The following NUDT21 variants were observed in gnomAD, a reference collection of about 807,000 sequenced individuals.
NUDT21 encodes cleavage and polyadenylation specificity factor subunit 5.
NUDT21 carries 5 observed loss-of-function variants against 29.8 expected under a neutral mutation model. The ratio of observed to expected loss-of-function variants is 0.17; its 90% CI spans 0.09 to 0.35. NUDT21 has a LOEUF of 0.35. NUDT21 is among the 10% of genes least tolerant of loss of function. The pLI, the probability that NUDT21 is intolerant of heterozygous loss-of-function variation, is 1.00. For synonymous variants in NUDT21, 113 were observed against 98.5 expected, an observed-to-expected ratio of 1.15 and a Z score of -0.87; for missense variants, 76 against 276.0, an observed-to-expected ratio of 0.28 and a Z score of 5.13.
At chr16:56,435,122 TTTTG>T (rs1227995572) in intron 4 of NUDT21, 8 of 200,564 alleles carry the variant, frequency 4.0e-5, no homozygotes, top group East Asian at 1.2e-4. Flanking sequence ...AAAAGCTTTT[TTTTG>T]TTTGTTTGTT....
Position 56,434,804 on chromosome 16 carries a change from G to A in NUDT21, c.497C>T (p.Thr166Ile), listed in dbSNP as rs1195594270. 5 of 1,595,422 alleles carry A rather than the reference G, an allele frequency of 3.1e-6. No homozygotes were observed. The highest frequency in any genetic ancestry group is 4.3e-6 in the Non-Finnish European group (5 of 1,164,490). ...CAACTTCTTATGTTCCTTAGGCTTT[G>A]TAATATGTGCAGGAATATATGGATA... ...PQYPYIPAHI[T>I]KPKEHKKLFL... The change falls in exon 5 of 7, where the codon ACA becomes ATA. Residue 166 changes from threonine (T) to isoleucine (I), a missense_variant. By Grantham distance (89) the Thr-to-Ile change is moderately conservative (BLOSUM62 -1). Transcript: ENST00000300291.
intron 4 of NUDT21, among the ~76,000 whole-genome samples, chr16:56,438,892 A>C (rs1163101279): frequency 6.6e-6 from 1 of 152,244 alleles, no homozygotes; most frequent in Non-Finnish European, 1.5e-5. Context: ...GGATACGCGA[A>C]CAGTGACTAT....
intron 3 of NUDT21, among the ~76,000 whole-genome samples, chr16:56,443,687 T>A (rs1962184710): frequency 6.6e-6 from 1 of 152,118 alleles, no homozygotes; most frequent in African/African-American, 2.4e-5. Flanking sequence ...GAGAGAGGGT[T>A]GTTAAAGAGT....
At chr16:56,447,742 C>G (rs753577294) in intron 2 of NUDT21, 47 bp downstream of exon 2, 1 of 1,551,018 alleles carries the variant, frequency 6.4e-7, no homozygotes, top group Non-Finnish European at 8.9e-7. Context: ...GCATAAACAG[C>G]AATCCTACTA....
In NUDT21 at chr16:56,434,758, T is replaced by C. The variant is rs1231764858; in HGVS notation, c.543A>G (p.Glu181=). Residue 181 remains glutamate (E), a synonymous_variant, in exon 5 of 7, where the codon GAA becomes GAG. Transcript: ENST00000300291. ...HKKLFLVQLQ[E]KALFAVPKNY... is the part of the protein sequence containing the mutation. ...TTTGAAAACAAAATAACTTACCTTT[T>C]TCTTGAAGCTGAACCAGAAACAACT... The C allele has an allele frequency of 6.3e-7, 1 of 1,589,186 alleles. No individual in the cohort carries two copies. Among genetic ancestry groups the C allele is most frequent in the East Asian group, 2.2e-5 (1 of 44,600 alleles).
intron 1 of NUDT21, 36 bp downstream of exon 1, chr16:56,451,051 C>G (rs1316733659): frequency 1.3e-6 from 2 of 1,577,184 alleles, no homozygotes; most frequent in Non-Finnish European, 1.7e-6. Flanking sequence ...GGAGCTTTCA[C>G]GAGAGAAATG....
chr16:56,446,188 A>G (rs1456112956), intron 3 of NUDT21, among the ~76,000 whole-genome samples: 2 of 152,208 alleles, frequency 1.3e-5, no homozygotes, highest in Non-Finnish European at 2.9e-5. Flanking sequence ...AAAAAGTGAA[A>G]ACACAGGCAT....
chr16:56,445,144 A>G (rs112528730), intron 3 of NUDT21, among the ~76,000 whole-genome samples: 6,305 of 152,166 alleles, frequency 0.041, 155 homozygotes, highest in East Asian at 0.13. Context: ...AGATTGCACC[A>G]TTGCACTCCA....
chr16:56,450,327 G>A (rs1318593355), intron 1 of NUDT21, among the ~76,000 whole-genome samples: 1 of 152,190 alleles, frequency 6.6e-6, no homozygotes, highest in Non-Finnish European at 1.5e-5. Flanking sequence ...GAATGACCTT[G>A]AAATGCAATG....
intron 3 of NUDT21, among the ~76,000 whole-genome samples, chr16:56,442,189 C>T (rs534781987): frequency 9.4e-4 from 143 of 152,330 alleles, no homozygotes; most frequent in Middle Eastern, 6.8e-3. Context: ...GCCTAAGACA[C>T]GTTTTTCTAT....
In NUDT21 at chr16:56,430,830, A is replaced by G. The variant is rs1962025764; in HGVS notation, c.*1882T>C. ...CATCCTGAATCAAAGGTTTTTCTCA[A>G]CTAGGCCTTAGTGTATGGATGACTG... On this transcript the variant is annotated 3_prime_UTR_variant, in exon 7 of 7. Coordinates refer to ENST00000300291, the MANE Select transcript of NUDT21 (RefSeq NM_007006.3). The G allele has an allele frequency of 6.6e-6, 1 of 152,236 alleles. No homozygotes were observed. Among genetic ancestry groups the G allele is most frequent in the Non-Finnish European group, 1.5e-5 (1 of 68,032 alleles). 9.4% of individuals were successfully genotyped at this position (152,236 alleles called of 1,614,324 possible). A position where few individuals can be genotyped will look rare whatever the true frequency, so the allele number is the denominator to read the frequency against.
intron 4 of NUDT21, among the ~76,000 whole-genome samples, chr16:56,438,810 C>A (rs1962130922): frequency 6.6e-6 from 1 of 151,230 alleles, no homozygotes; most frequent in South Asian, 2.1e-4. Context: ...AAAAAAGGTG[C>A]CAAGTGTGTA....
chr16:56,430,351 C>G lies in NUDT21; in HGVS notation c.*2361G>C, dbSNP rs1178403007. 6.6e-6 allele frequency: 1 copy of G among 152,146 alleles called. No homozygotes were observed. The highest frequency in any genetic ancestry group is 1.5e-5 in the Non-Finnish European group (1 of 68,024). 9.4% of individuals were successfully genotyped at this position (152,146 alleles called of 1,614,324 possible). ...TTCCCCCTAATCTACTAAACATATT[C>G]CAGTGTCATTTAGTAGTTTTACATA... On this transcript the variant is annotated 3_prime_UTR_variant, in exon 7 of 7. Transcript: ENST00000300291.
At position 56,451,116 on chromosome 16, in the gene NUDT21, C is replaced by T. The variant is rs140695462; in HGVS notation, c.87G>A (p.Lys29=). The T allele has an allele frequency of 6.2e-7, 1 of 1,613,774 alleles. No homozygotes were observed. Among genetic ancestry groups the T allele is most frequent in the East Asian group, 2.2e-5 (1 of 44,862 alleles). ...QFGNKYIQQT[K]PLTLERTINL... is the part of the protein sequence containing the mutation. Reference sequence around the variant, plus strand: ...TGATGGTGCGCTCCAGGGTGAGGGGCTTCGTCTGCTGGATGTACTTGTTGC... The same window carrying T: ...TGATGGTGCGCTCCAGGGTGAGGGGTTTCGTCTGCTGGATGTACTTGTTGC... The change falls in exon 1 of 7, where the codon AAG becomes AAA. Residue 29 remains lysine (K), a synonymous_variant. Transcript: ENST00000300291.
At chr16:56,450,333 C>CA (rs1385838290) in intron 1 of NUDT21, among the ~76,000 whole-genome samples, 1 of 152,186 alleles carries the variant, frequency 6.6e-6, no homozygotes, top group East Asian at 1.9e-4. Context: ...CCTTGAAATG[C>CA]AATGGTTTGA....
At chr16:56,443,685 G>A (rs1298911806) in intron 3 of NUDT21, among the ~76,000 whole-genome samples, 1 of 152,096 alleles carries the variant, frequency 6.6e-6, no homozygotes. Context: ...TGGAGAGAGG[G>A]TTGTTAAAGA....
chr16:56,439,325 T>A (rs1213678198), intron 4 of NUDT21: 3 of 251,898 alleles, frequency 1.2e-5, no homozygotes, highest in Non-Finnish European at 2.4e-5. Context: ...GCTTGTACCA[T>A]CAAACCCAGC....
intron 2 of NUDT21, 114 bp from the exon 3 acceptor site, chr16:56,446,803 G>A: frequency 6.6e-6 from 4 of 602,716 alleles, no homozygotes; most frequent in South Asian, 2.5e-5. Flanking sequence ...GCATAATAAG[G>A]CAATCAAAAC....
At chr16:56,444,056 G>A (rs928959495) in intron 3 of NUDT21, among the ~76,000 whole-genome samples, 1 of 152,146 alleles carries the variant, frequency 6.6e-6, no homozygotes, top group Non-Finnish European at 1.5e-5. Flanking sequence ...GCTTTGGGAG[G>A]ACTGCTTCAG....
Sources: allele counts gnomAD v4.1 joint callset (sites outside exome capture counted in the v4.1 genomes callset), GRCh38; gene constraint gnomAD v4.1.1; transcripts MANE v1.5; gene names NCBI Gene and HGNC (gene_info 2026-07-23, HGNC 2026-07-21).